KLF7: variants seen among roughly 807,000 people sequenced by gnomAD.
KLF7 encodes KLF transcription factor 7, also known as Krueppel-like factor 7.
A neutral mutation model predicts 27.3 loss-of-function variants in KLF7; 2 were observed. The observed-to-expected ratio is 0.07, with a 90% confidence interval of 0.03 to 0.23. The LOEUF is 0.23. KLF7 is among the 10% of genes least tolerant of loss of function. KLF7 has a pLI of 1.00. For synonymous variants in KLF7, 165 were observed against 162.4 expected (o/e 1.02, Z -0.12); for missense variants, 221 against 394.1 (o/e 0.56, Z 3.72).
intron 2 of KLF7, among the ~76,000 whole-genome samples, chr2:207,095,522 A>G (rs2076609771): frequency 6.6e-6 from 1 of 152,212 alleles, no homozygotes; most frequent in Non-Finnish European, 1.5e-5. Flanking sequence ...TTTTGACTGA[A>G]TACTGCAACT....
At chr2:207,141,852 G>T (rs2077951534) in intron 1 of KLF7, among the ~76,000 whole-genome samples, 1 of 152,042 alleles carries the variant, frequency 6.6e-6, no homozygotes, top group African/African-American at 2.4e-5. Flanking sequence ...GTTATCAGCT[G>T]GAGAACCTTA....
At chr2:207,086,799 G>A (rs1214199291) in intron 3 of KLF7, among the ~76,000 whole-genome samples, 2 of 152,214 alleles carry the variant, frequency 1.3e-5, no homozygotes, top group African/African-American at 4.8e-5. Context: ...TACCCATAAT[G>A]CTCACAATCT....
upstream of KLF7, chr2:207,166,871 G>A (rs2078728902): frequency 5.6e-6 from 6 of 1,075,550 alleles, no homozygotes; most frequent in Non-Finnish European, 6.8e-6. Flanking sequence ...GAGAACAAAG[G>A]GGAGCGGAGC....
intron 2 of KLF7, chr2:207,110,150 C>CGTATGTGTCCATTAG (rs2076989679): frequency 6.5e-6 from 1 of 154,758 alleles, no homozygotes; most frequent in Non-Finnish European, 1.5e-5. Flanking sequence ...AAAATGCAGA[C>CGTATGTGTCCATTAG]ATAAAGTATG....
chr2:207,125,267 T>C (rs1301500295), intron 1 of KLF7, among the ~76,000 whole-genome samples: 3 of 152,240 alleles, frequency 2.0e-5, no homozygotes, highest in Non-Finnish European at 4.4e-5. Context: ...TCTTCATCCA[T>C]GGCACTCATA....
chr2:207,151,934 T>C (rs1275852688), intron 1 of KLF7, among the ~76,000 whole-genome samples: 7 of 152,120 alleles, frequency 4.6e-5, no homozygotes, highest in Non-Finnish European at 1.0e-4. Context: ...ATGATATCCT[T>C]AGTAATGTAA....
At chr2:207,091,517 C>G (rs1262401711) in intron 2 of KLF7, among the ~76,000 whole-genome samples, 1 of 152,178 alleles carries the variant, frequency 6.6e-6, no homozygotes, top group Non-Finnish European at 1.5e-5. Flanking sequence ...AGTGATTTAT[C>G]AAGCTATTTT....
At chr2:207,084,111 A>G (rs2076334934) in intron 3 of KLF7, among the ~76,000 whole-genome samples, 1 of 152,162 alleles carries the variant, frequency 6.6e-6, no homozygotes, top group Non-Finnish European at 1.5e-5. Flanking sequence ...AGCAACTAGA[A>G]AATTAATCCT....
intron 1 of KLF7, among the ~76,000 whole-genome samples, chr2:207,150,323 C>T (rs1260018258): frequency 1.3e-5 from 2 of 152,152 alleles, no homozygotes; most frequent in Admixed American, 1.3e-4. Flanking sequence ...CAAAGTTTTA[C>T]GTCCCCATTT....
At chr2:207,131,114 T>C (rs1490492651) in intron 1 of KLF7, among the ~76,000 whole-genome samples, 3 of 152,200 alleles carry the variant, frequency 2.0e-5, no homozygotes, top group Admixed American at 6.5e-5. Flanking sequence ...CTTTCCACCA[T>C]GTGGAAACTT....
At chr2:207,167,998 T>G (rs1299557583), upstream of KLF7, among the ~76,000 whole-genome samples, 1 of 152,148 alleles carries the variant, frequency 6.6e-6, no homozygotes, top group African/African-American at 2.4e-5. Context: ...CCCTTGCTAG[T>G]TTGTTACAAG....
intron 2 of KLF7, among the ~76,000 whole-genome samples, chr2:207,102,304 CA>C (rs2076787186): frequency 1.3e-5 from 2 of 152,020 alleles, no homozygotes; most frequent in African/African-American, 4.8e-5. Flanking sequence ...CTCACAGCTA[CA>C]AAATAATTTC....
intron 1 of KLF7, among the ~76,000 whole-genome samples, chr2:207,133,461 G>A (rs2077692728): frequency 6.6e-6 from 1 of 152,206 alleles, no homozygotes; most frequent in Non-Finnish European, 1.5e-5. Context: ...GCTCCAAAAG[G>A]AGAGGACTCT....
chr2:207,136,842 C>G (rs2077803562), intron 1 of KLF7, among the ~76,000 whole-genome samples: 1 of 152,072 alleles, frequency 6.6e-6, no homozygotes, highest in South Asian at 2.1e-4. Context: ...TCCTAAAATG[C>G]TCACCTTATT....
chr2:207,156,353 C>T (rs993418010), intron 1 of KLF7, among the ~76,000 whole-genome samples: 1 of 152,208 alleles, frequency 6.6e-6, no homozygotes, highest in East Asian at 1.9e-4. Flanking sequence ...ATTTTTGCTC[C>T]TCTTACTAGA....
chr2:207,162,622 G>A (rs957887040), intron 1 of KLF7, among the ~76,000 whole-genome samples: 1 of 152,222 alleles, frequency 6.6e-6, no homozygotes, highest in Non-Finnish European at 1.5e-5. Context: ...TCTCCGTGAC[G>A]AGAGGGAGCC....
chr2:207,109,247 T>C (rs2076963808), intron 2 of KLF7, among the ~76,000 whole-genome samples: 2 of 152,200 alleles, frequency 1.3e-5, no homozygotes, highest in Admixed American at 6.5e-5. Context: ...AGACAGAATG[T>C]AGGAATATAC....
At chr2:207,163,778 T>C (rs961651742) in intron 1 of KLF7, among the ~76,000 whole-genome samples, 5 of 152,216 alleles carry the variant, frequency 3.3e-5, no homozygotes, top group Admixed American at 6.5e-5. Context: ...CAGTTGTTAA[T>C]ATGCAACCGA....
At chr2:207,166,338 C>T (rs962614220), upstream of KLF7, 138 of 285,204 alleles carry the variant, frequency 4.8e-4, 1 homozygote, top group Non-Finnish European at 1.2e-4. Flanking sequence ...GCGAGGCGAG[C>T]TATTTTTAGA....
Sources: gnomAD v4.1 joint callset for allele counts (sites outside exome capture counted in the v4.1 genomes callset) on GRCh38, gnomAD v4.1.1 for gene constraint, MANE v1.5 for transcripts, NCBI Gene and HGNC (gene_info 2026-07-23, HGNC 2026-07-21) for gene names.